The following STPG4 variants were observed in gnomAD, a reference collection of about 807,000 sequenced individuals.
The protein encoded by STPG4 is protein STPG4.
In STPG4, 41 loss-of-function variants were observed where a neutral mutation model predicts 31.5. The ratio of observed to expected loss-of-function variants is 1.30; its 90% CI spans 1.01 to 1.69. STPG4 has a LOEUF of 1.69. STPG4 is among the 40% of genes most tolerant of loss of function. The pLI is 0.00. For missense variants in STPG4, 375 were observed against 293.4 expected, an observed-to-expected ratio of 1.28 and a Z score of -2.03; for synonymous variants, 141 against 103.0, an observed-to-expected ratio of 1.37 and a Z score of -2.24.
At chr2:47,124,684 A>C (rs1342281610) in intron 5 of STPG4, among the ~76,000 whole-genome samples, 4 of 152,184 alleles carry the variant, frequency 2.6e-5, no homozygotes, top group African/African-American at 9.7e-5. Flanking sequence ...GCTAATGTAC[A>C]CTAAGGTTGC....
At chr2:47,105,928 A>G (rs72808566) in intron 5 of STPG4, among the ~76,000 whole-genome samples, 13,851 of 152,128 alleles carry the variant, frequency 0.091, 898 homozygotes, top group Non-Finnish European at 0.12. Context: ...ATTGCATGCA[A>G]TGCAAAAATA....
At chr2:47,124,690 G>T (rs1199325481) in intron 5 of STPG4, among the ~76,000 whole-genome samples, 2 of 152,112 alleles carry the variant, frequency 1.3e-5, no homozygotes, top group African/African-American at 2.4e-5. Context: ...GTACACTAAG[G>T]TTGCTTCCAA....
chr2:47,116,838 A>C (rs1388112291), intron 5 of STPG4, among the ~76,000 whole-genome samples: 1 of 152,158 alleles, frequency 6.6e-6, no homozygotes, highest in East Asian at 1.9e-4. Flanking sequence ...AGTTAAATCA[A>C]GGGTGGTATA....
At chr2:47,145,815 A>G (rs1686810000) in intron 3 of STPG4, among the ~76,000 whole-genome samples, 1 of 152,242 alleles carries the variant, frequency 6.6e-6, no homozygotes, top group South Asian at 2.1e-4. Context: ...TTAACAAATA[A>G]TCAATGTAAA....
rs186043636 is a variant in STPG4, at chr2:47,144,834, G to A, written c.399+6424C>T. ...CAACCTCCGCCTCCCAGGTTCAAAC[G>A]ATTCTCCTGCCTCAGCCTCCCAAGT... On this transcript the variant is annotated intron_variant, in intron 3 of 6. Transcript: ENST00000445927. Among the ~76,000 whole-genome samples the A allele has an allele frequency of 1.1e-3, 160 of 152,252 alleles. 1 individual carries two copies. The highest frequency in any genetic ancestry group is 3.7e-3 in the African/African-American group (155 of 41,564).
intron 2 of STPG4, among the ~76,000 whole-genome samples, chr2:47,152,010 G>T (rs1011392308): frequency 2.0e-5 from 3 of 151,062 alleles, no homozygotes; most frequent in Non-Finnish European, 2.9e-5. Flanking sequence ...TGATCCGCCC[G>T]CCTTGGCATC....
chr2:47,094,746 G>A (rs1049429918), intron 5 of STPG4, among the ~76,000 whole-genome samples: 6 of 152,148 alleles, frequency 3.9e-5, no homozygotes, highest in African/African-American at 1.2e-4. Context: ...ACGGGATGTC[G>A]CCAAGGCCAG....
chr2:47,132,715 C>T (rs551046417), intron 3 of STPG4, among the ~76,000 whole-genome samples: 38 of 152,202 alleles, frequency 2.5e-4, no homozygotes, highest in African/African-American at 8.2e-4. Context: ...ATGACAATTA[C>T]GTGGATGTTT....
chr2:47,103,808 C>A (rs944884512), intron 5 of STPG4, among the ~76,000 whole-genome samples: 1 of 151,902 alleles, frequency 6.6e-6, no homozygotes, highest in Non-Finnish European at 1.5e-5. Context: ...CATGTCATCA[C>A]CCTCACTGAG....
chr2:47,136,989 T>C (rs1294664917), intron 3 of STPG4, among the ~76,000 whole-genome samples: 1 of 152,180 alleles, frequency 6.6e-6, no homozygotes, highest in Non-Finnish European at 1.5e-5. Context: ...TTCCTTTTGT[T>C]GTCTTGTTCC....
At chr2:47,119,101 C>T (rs1014789697) in intron 5 of STPG4, among the ~76,000 whole-genome samples, 1 of 152,222 alleles carries the variant, frequency 6.6e-6, no homozygotes, top group African/African-American at 2.4e-5. Context: ...CACACCCACA[C>T]TGCACGCCAC....
rs1171366529 is a variant in STPG4 at position 47,155,254 on chromosome 2, T to C, written c.-3A>G. On this transcript the variant is annotated 5_prime_UTR_variant, in exon 1 of 7. Transcript: ENST00000445927. ...GTGGCGACGGCTGGCTGGTCCATGG[T>C]GGCCTCCTCTCTCTCTAGGCTGAAC... The C allele has an allele frequency of 1.9e-6, 3 of 1,613,966 alleles. No individual in the cohort carries two copies. Among genetic ancestry groups the C allele is most frequent in the Non-Finnish European group, 2.5e-6 (3 of 1,179,960 alleles).
intron 5 of STPG4, among the ~76,000 whole-genome samples, chr2:47,105,927 A>G (rs1685900876): frequency 2.0e-5 from 3 of 152,072 alleles, no homozygotes; most frequent in African/African-American, 4.8e-5. Flanking sequence ...TATTGCATGC[A>G]ATGCAAAAAT....
chr2:47,096,113 G>A lies in STPG4; in HGVS notation c.520-5739C>T, dbSNP rs1339204531. On this transcript the variant is annotated intron_variant, in intron 5 of 6. Coordinates refer to ENST00000445927, the MANE Select transcript of STPG4 (RefSeq NM_001163561.2). ...TTTAAGGTCTGTGTTACTGGCAGCA[G>A]AACTTAGTCCTCATCGACCAAGTAG... 2.6e-5 allele frequency among the ~76,000 whole-genome samples: 4 copies of A among 152,212 alleles called. No individual in the cohort carries two copies. The East Asian group carries it at 5.8e-4, about 22-fold the overall frequency.
At chr2:47,120,038 A>C (rs932283476) in intron 5 of STPG4, among the ~76,000 whole-genome samples, 13 of 152,200 alleles carry the variant, frequency 8.5e-5, no homozygotes, top group Admixed American at 2.0e-4. Flanking sequence ...TGGTTTAAAA[A>C]TTGGGGGCCA....
In STPG4 at chr2:47,137,999, C is replaced by T. The variant is rs892396109; in HGVS notation, c.400-7739G>A. 1.3e-5 allele frequency among the ~76,000 whole-genome samples: 2 copies of T among 151,986 alleles called. 1 individual carries two copies. Among genetic ancestry groups the T allele is most frequent in the South Asian group, 4.1e-4 (2 of 4,832 alleles). On this transcript the variant is annotated intron_variant, in intron 3 of 6. Transcript: ENST00000445927. ...ACTTCTGCTCTAATTTTTATTATTT[C>T]TTTTCTTTCACTTACTTTGGATTTA... is the stretch of plus-strand genomic sequence containing the variant.
At chr2:47,155,147 C>T (rs767176173) in intron 1 of STPG4, 24 bp downstream of exon 1, 1 of 1,611,304 alleles carries the variant, frequency 6.2e-7, no homozygotes, top group Non-Finnish European at 8.5e-7. Flanking sequence ...AGGAGCCAGG[C>T]CGGCAAGGGG....
intron 5 of STPG4, 136 bp from the exon 6 acceptor site, chr2:47,090,510 T>C: frequency 3.2e-6 from 2 of 631,574 alleles, no homozygotes; most frequent in Non-Finnish European, 5.5e-6. Flanking sequence ...TCGAGAGATC[T>C]CTTTAAGGTG....
At chr2:47,141,139 G>A (rs553952286) in intron 3 of STPG4, among the ~76,000 whole-genome samples, 69 of 151,716 alleles carry the variant, frequency 4.5e-4, no homozygotes, top group African/African-American at 1.4e-3. Flanking sequence ...TGCCCCCCTC[G>A]GCCTCCCAAA....
Sources: gnomAD v4.1 joint callset for allele counts (sites outside exome capture counted in the v4.1 genomes callset) on GRCh38, gnomAD v4.1.1 for gene constraint, MANE v1.5 for transcripts, NCBI Gene and HGNC (gene_info 2026-07-23, HGNC 2026-07-21) for gene names.